The following RPS6KC1 variants were observed in gnomAD, a reference collection of about 807,000 sequenced individuals.
RPS6KC1 encodes ribosomal protein S6 kinase C1.
RPS6KC1 carries 54 observed loss-of-function variants against 103.8 expected under a neutral mutation model. That is an observed-to-expected ratio of 0.52 (90% CI 0.42 to 0.65). The LOEUF (loss-of-function observed/expected upper bound fraction) is 0.65, where lower values mean the gene tolerates loss of function less well. RPS6KC1 is among the 30% of genes least tolerant of loss of function. The probability of loss-of-function intolerance (pLI) is 0.00; values close to 1 mark genes in which losing one functional copy is unlikely to be tolerated. For missense variants in RPS6KC1, 1,151 were observed against 1,253.8 expected (o/e 0.92, Z 1.24); for synonymous variants, 439 against 438.7 (o/e 1.00, Z -0.01).
intron 8 of RPS6KC1, among the ~76,000 whole-genome samples, chr1:213,217,610 G>GTT: frequency 1.3e-5 from 2 of 152,184 alleles, no homozygotes; most frequent in Non-Finnish European, 2.9e-5. Context: ...GAACATCGAT[G>GTT]CAAAAATCCT....
intron 6 of RPS6KC1, among the ~76,000 whole-genome samples, chr1:213,167,489 C>CACAA (rs141541042): frequency 0.22 from 27,376 of 125,894 alleles, 3,355 homozygotes; most frequent in Non-Finnish European, 0.24. Flanking sequence ...CACACACACA[C>CACAA]AACAGCTGTT....
chr1:213,831,154 C>T, the RPS6KC1 span, among the ~76,000 whole-genome samples: 3 of 152,318 alleles, frequency 2.0e-5, no homozygotes, highest in Non-Finnish European at 2.9e-5. Flanking sequence ...TGGTGGTAGG[C>T]AGAATAATCC....
At chr1:213,745,420 T>TAA in the RPS6KC1 span, among the ~76,000 whole-genome samples, 2,888 of 128,068 alleles carry the variant, frequency 0.023, 99 homozygotes, top group African/African-American at 0.076. Context: ...TACTGTGACT[T>TAA]AAAAAAAAAA....
intron 8 of RPS6KC1, among the ~76,000 whole-genome samples, chr1:213,181,378 A>T (rs990854018): frequency 2.6e-5 from 4 of 152,240 alleles, no homozygotes; most frequent in Admixed American, 1.3e-4. Flanking sequence ...ACATTTTGTA[A>T]TCAAGATAGC....
At chr1:213,558,906 T>G in the RPS6KC1 span, among the ~76,000 whole-genome samples, 3 of 152,220 alleles carry the variant, frequency 2.0e-5, no homozygotes, top group African/African-American at 7.2e-5. Context: ...TTTTAGACAA[T>G]GCAATAGCTC....
At chr1:213,444,399 C>T in the RPS6KC1 span, among the ~76,000 whole-genome samples, 2 of 152,076 alleles carry the variant, frequency 1.3e-5, no homozygotes, top group South Asian at 2.1e-4. Context: ...GTAGAGCGGC[C>T]CCAGTTAAGC....
intron 8 of RPS6KC1, among the ~76,000 whole-genome samples, chr1:213,214,714 T>C (rs1370881230): frequency 6.6e-6 from 1 of 152,164 alleles, no homozygotes; most frequent in Non-Finnish European, 1.5e-5. Context: ...CATTGGCTGT[T>C]TAGCAATATT....
At chr1:213,604,132 C>T in the RPS6KC1 span, among the ~76,000 whole-genome samples, 3 of 152,222 alleles carry the variant, frequency 2.0e-5, no homozygotes, top group African/African-American at 4.8e-5. Context: ...TGACAATCAG[C>T]TAGACTCTGC....
At chr1:213,325,222 G>T in the RPS6KC1 span, among the ~76,000 whole-genome samples, 2 of 152,136 alleles carry the variant, frequency 1.3e-5, no homozygotes, top group African/African-American at 2.4e-5. Context: ...TTCTTTCTGA[G>T]CATCTACGGA....
chr1:213,416,504 C>T, the RPS6KC1 span, among the ~76,000 whole-genome samples: 4 of 152,192 alleles, frequency 2.6e-5, no homozygotes, highest in East Asian at 1.9e-4. Flanking sequence ...TGTGGGAGGG[C>T]GAGTGAAAGG....
chr1:213,357,958 C>T, the RPS6KC1 span, among the ~76,000 whole-genome samples: 1 of 152,180 alleles, frequency 6.6e-6, no homozygotes, highest in Admixed American at 6.5e-5. Flanking sequence ...GTATGTTGAA[C>T]CAGCCTTGCA....
the RPS6KC1 span, among the ~76,000 whole-genome samples, chr1:213,667,319 A>G: frequency 1.3e-5 from 2 of 152,338 alleles, no homozygotes; most frequent in Admixed American, 6.5e-5. Flanking sequence ...GACCACAACA[A>G]TAAAGTGACT....
intron 7 of RPS6KC1, among the ~76,000 whole-genome samples, chr1:213,170,075 G>T (rs2148210617): frequency 6.6e-6 from 1 of 152,206 alleles, no homozygotes; most frequent in Non-Finnish European, 1.5e-5. Context: ...GAGTCACCAC[G>T]CCTGGCCAGT....
chr1:213,758,710 G>GCAA, the RPS6KC1 span, among the ~76,000 whole-genome samples: 1 of 152,198 alleles, frequency 6.6e-6, no homozygotes, highest in African/African-American at 2.4e-5. Context: ...AGTGGAGGAA[G>GCAA]TAACAGCAGA....
the RPS6KC1 span, among the ~76,000 whole-genome samples, chr1:213,647,859 G>T: frequency 6.6e-6 from 1 of 152,136 alleles, no homozygotes; most frequent in African/African-American, 2.4e-5. Context: ...GAAGGAAAAA[G>T]TAATCATTTT....
At chr1:213,570,320 C>A in the RPS6KC1 span, among the ~76,000 whole-genome samples, 3 of 152,062 alleles carry the variant, frequency 2.0e-5, no homozygotes, top group African/African-American at 7.2e-5. Flanking sequence ...ACACAGTAAT[C>A]GCTCAAAAAA....
chr1:213,212,547 G>A (rs138618724), intron 8 of RPS6KC1, among the ~76,000 whole-genome samples: 8 of 152,250 alleles, frequency 5.3e-5, no homozygotes, highest in Admixed American at 6.5e-5. Flanking sequence ...AAACATCCAT[G>A]TGCAGGGGTT....
the RPS6KC1 span, among the ~76,000 whole-genome samples, chr1:213,375,495 T>G: frequency 6.6e-6 from 1 of 152,070 alleles, no homozygotes; most frequent in Non-Finnish European, 1.5e-5. Flanking sequence ...AATAGAAAAT[T>G]TGGGGGAAAA....
chr1:213,122,141 G>T (rs1271969152), intron 5 of RPS6KC1, among the ~76,000 whole-genome samples: 1 of 152,010 alleles, frequency 6.6e-6, no homozygotes, highest in African/African-American at 2.4e-5. Context: ...GCAGGTGGGG[G>T]TAGATTTTGT....
Sources: allele counts gnomAD v4.1 joint callset (sites outside exome capture counted in the v4.1 genomes callset), GRCh38; gene constraint gnomAD v4.1.1; transcripts MANE v1.5; gene names NCBI Gene and HGNC (gene_info 2026-07-23, HGNC 2026-07-21).